The following TLN2 variants were observed in gnomAD, a reference collection of about 807,000 sequenced individuals.
The protein encoded by TLN2 is talin 2.
In TLN2, 118 loss-of-function variants were observed where a neutral mutation model predicts 294.7. That is an observed-to-expected ratio of 0.40 (90% CI 0.34 to 0.47). TLN2 has a LOEUF of 0.47. Ranked by LOEUF, TLN2 falls within the 20% of genes least tolerant of loss-of-function variation. The pLI is 0.84. For missense variants in TLN2, 3,083 were observed against 3,282.2 expected (o/e 0.94, Z 1.48); for synonymous variants, 1,431 against 1,304.5 (o/e 1.10, Z -2.09).
intron 18 of TLN2, 50 bp from the exon 19 acceptor site, chr15:62,702,716 C>A: frequency 6.4e-7 from 1 of 1,559,532 alleles, no homozygotes; most frequent in Non-Finnish European, 8.8e-7. Context: ...TCTGATGGCA[C>A]TGGAGGAAAT....
intron 1 of TLN2, among the ~76,000 whole-genome samples, chr15:62,566,624 C>CTTTT (rs757929282): frequency 2.2e-5 from 3 of 135,540 alleles, no homozygotes; most frequent in East Asian, 2.2e-4. Context: ...AGAAACCTTC[C>CTTTT]TTTTTTTTTT....
intron 1 of TLN2, among the ~76,000 whole-genome samples, chr15:62,393,314 C>G (rs1032108017): frequency 6.6e-6 from 1 of 152,070 alleles, no homozygotes; most frequent in Non-Finnish European, 1.5e-5. Context: ...ACAACTTGAC[C>G]CTGTTGAATG....
chr15:62,497,607 G>T (rs970103839), intron 1 of TLN2, among the ~76,000 whole-genome samples: 1 of 152,134 alleles, frequency 6.6e-6, no homozygotes, highest in African/African-American at 2.4e-5. Context: ...TAAAGTTGTG[G>T]CCACCCAGCA....
At chr15:62,489,674 T>C (rs952816381) in intron 1 of TLN2, among the ~76,000 whole-genome samples, 3 of 152,070 alleles carry the variant, frequency 2.0e-5, no homozygotes, top group Non-Finnish European at 4.4e-5. Context: ...TGAATCACAG[T>C]GTATAGAATC....
rs199721625 is a variant in TLN2 at position 62,809,942 on chromosome 15, C to G, written c.6681C>G (p.Pro2227=). The change falls in exon 52 of 59, where the codon CCC becomes CCG. Residue 2227 remains proline, a synonymous_variant. Transcript: ENST00000636159. ...CTCTCCAGCAAGCATCCTTCCACCC[C>G]GATGTCAGTGACGAGGTGAGAACCA... ...LTACKQASFH[P]DVSDEVRTRA... 11 of 1,613,986 alleles carry G rather than the reference C, an allele frequency of 6.8e-6. No homozygotes were observed. Among genetic ancestry groups the G allele is most frequent in the Admixed American group, 6.7e-5 (4 of 60,006 alleles).
intron 31 of TLN2, 124 bp from the exon 32 acceptor site, chr15:62,740,506 C>T (rs1167098293): frequency 7.7e-7 from 1 of 1,301,020 alleles, no homozygotes; most frequent in Non-Finnish European, 1.1e-6. Flanking sequence ...TGCGGGCTAA[C>T]TGGGTTTAAT....
At chr15:62,757,277 G>A (rs2062335554) in intron 37 of TLN2, among the ~76,000 whole-genome samples, 1 of 152,182 alleles carries the variant, frequency 6.6e-6, no homozygotes, top group South Asian at 2.1e-4. Flanking sequence ...CTTTGGGATG[G>A]AGAGACGAAG....
chr15:62,689,843 CTTCTTTTTTTTTTTTTT>C (rs1567358584), intron 12 of TLN2, among the ~76,000 whole-genome samples: 1 of 16,972 alleles, frequency 5.9e-5, no homozygotes, highest in Non-Finnish European at 2.1e-4. Flanking sequence ...TTGGTATGGG[CTTCTTTTTTTTTTTTTT>C]TTTTTTTTTT....
intron 22 of TLN2, among the ~76,000 whole-genome samples, chr15:62,713,579 T>C (rs1241275125): frequency 6.6e-6 from 1 of 151,956 alleles, no homozygotes; most frequent in East Asian, 1.9e-4. Flanking sequence ...CTAGGGAGGC[T>C]GAGGCAGGAG....
At chr15:62,582,619 G>T (rs906790265) in intron 1 of TLN2, among the ~76,000 whole-genome samples, 35 of 152,292 alleles carry the variant, frequency 2.3e-4, no homozygotes, top group African/African-American at 7.7e-4. Context: ...GCCCTCTTAG[G>T]GGAAAACAGC....
intron 1 of TLN2, among the ~76,000 whole-genome samples, chr15:62,526,199 G>T (rs936508797): frequency 6.6e-6 from 1 of 152,020 alleles, no homozygotes; most frequent in Non-Finnish European, 1.5e-5. Context: ...GCGCAATCTC[G>T]GCTCACTGCA....
intron 1 of TLN2, 42 bp from the exon 2 acceptor site, chr15:62,589,645 A>G (rs1308106618): frequency 6.6e-6 from 1 of 152,174 alleles, no homozygotes; most frequent in East Asian, 1.9e-4. Flanking sequence ...ATTCTTTTTC[A>G]AAAACATTAC....
intron 1 of TLN2, among the ~76,000 whole-genome samples, chr15:62,483,585 G>A (rs1020698402): frequency 9.2e-5 from 14 of 152,138 alleles, no homozygotes; most frequent in African/African-American, 3.1e-4. Context: ...TCTACCTTGG[G>A]CCGCCTTGAC....
chr15:62,676,864 C>G (rs2056260809), intron 11 of TLN2, among the ~76,000 whole-genome samples: 1 of 152,220 alleles, frequency 6.6e-6, no homozygotes, highest in Non-Finnish European at 1.5e-5. Flanking sequence ...GTCCGCCCAC[C>G]TTGGCCTCCC....
intron 27 of TLN2, among the ~76,000 whole-genome samples, 197 bp downstream of exon 27, chr15:62,725,301 G>A (rs941503255): frequency 6.6e-6 from 1 of 152,194 alleles, no homozygotes; most frequent in Non-Finnish European, 1.5e-5. Context: ...ACACTCAGCT[G>A]TATCATCAAC....
At chr15:62,736,582 C>G (rs2061027984) in intron 28 of TLN2, among the ~76,000 whole-genome samples, 1 of 152,176 alleles carries the variant, frequency 6.6e-6, no homozygotes, top group Non-Finnish European at 1.5e-5. Context: ...TACTCACTGC[C>G]ATGCACTTGG....
chr15:62,459,561 T>C (rs2036675281), intron 1 of TLN2, among the ~76,000 whole-genome samples: 1 of 152,184 alleles, frequency 6.6e-6, no homozygotes, highest in Non-Finnish European at 1.5e-5. Context: ...AGTGTGTGAA[T>C]GAACATGTGC....
In TLN2 at chr15:62,809,813, T is replaced by A. The variant is rs530016288; in HGVS notation, c.6664-112T>A. 25 of 910,526 alleles carry A rather than the reference T, an allele frequency of 2.7e-5. No homozygotes were observed. In the African/African-American group the frequency reaches 3.8e-4, roughly 14 times the overall value. 56.4% of individuals were successfully genotyped at this position (910,526 alleles called of 1,614,324 possible). A position where few individuals can be genotyped will look rare whatever the true frequency, so the allele number is the denominator to read the frequency against. On this transcript the variant is annotated intron_variant, in intron 51 of 58. Transcript: ENST00000636159. The stretch of plus-strand genomic sequence containing the variant: ...AGAGATACCTCTTCTGTCCAGGGAG[T>A]CAGGGCAGTTTCTTGAGGTCACCAG...
chr15:62,810,859 A>G (rs1300066490), intron 52 of TLN2, among the ~76,000 whole-genome samples: 2 of 152,134 alleles, frequency 1.3e-5, no homozygotes, highest in Non-Finnish European at 2.9e-5. Flanking sequence ...TGCTCTTACC[A>G]AACCTAACAA....
Sources: allele counts gnomAD v4.1 joint callset (sites outside exome capture counted in the v4.1 genomes callset), GRCh38; gene constraint gnomAD v4.1.1; transcripts MANE v1.5; gene names NCBI Gene and HGNC (gene_info 2026-07-23, HGNC 2026-07-21).